Variants in MEI4 observed in about 807,000 individuals in gnomAD.
MEI4 encodes meiosis-specific protein MEI4.
MEI4 carries 27 observed loss-of-function variants against 31.4 expected under a neutral mutation model. That is an observed-to-expected ratio of 0.86 (90% CI 0.63 to 1.19). The LOEUF is 1.19. Among genes scored for constraint, MEI4 ranks in the 50% most tolerant of loss-of-function variants. The pLI is 0.00. For synonymous variants in MEI4, 122 were observed against 145.4 expected (o/e 0.84, Z 1.16); for missense variants, 329 against 398.9 (o/e 0.82, Z 1.49).
intron 2 of MEI4, among the ~76,000 whole-genome samples, chr6:77,708,223 ACCCC>A (rs1766373979): frequency 6.6e-6 from 1 of 152,120 alleles, no homozygotes; most frequent in Admixed American, 6.5e-5. Flanking sequence ...TTGGGAGCCC[ACCCC>A]TTACACCAGT....
At chr6:77,677,564 C>T (rs1768867915) in intron 1 of MEI4, among the ~76,000 whole-genome samples, 1 of 152,026 alleles carries the variant, frequency 6.6e-6, no homozygotes, top group Non-Finnish European at 1.5e-5. Context: ...CTCCTATTGT[C>T]CTGTTTGGAC....
chr6:77,891,423 T>TG (rs1386648263), intron 4 of MEI4, among the ~76,000 whole-genome samples: 1 of 152,180 alleles, frequency 6.6e-6, no homozygotes, highest in Non-Finnish European at 1.5e-5. Context: ...TTTTGTGATT[T>TG]GATTTTATTT....
intron 2 of MEI4, among the ~76,000 whole-genome samples, chr6:77,727,944 T>C (rs1385166398): frequency 6.6e-6 from 1 of 152,196 alleles, no homozygotes; most frequent in Non-Finnish European, 1.5e-5. Flanking sequence ...AAAACATGCT[T>C]GACTCTCTAT....
chr6:77,882,495 GT>G (rs1183549690), intron 4 of MEI4, among the ~76,000 whole-genome samples: 1 of 152,126 alleles, frequency 6.6e-6, no homozygotes, highest in Non-Finnish European at 1.5e-5. Context: ...GAGTTGCATG[GT>G]TTTTTTCTAT....
At chr6:77,775,151 G>A (rs975468871) in intron 3 of MEI4, among the ~76,000 whole-genome samples, 1 of 152,064 alleles carries the variant, frequency 6.6e-6, no homozygotes, top group African/African-American at 2.4e-5. Context: ...CTTCATCTCA[G>A]ATTCTTAATT....
At position 77,698,421 on chromosome 6, in the gene MEI4, A is replaced by G. The variant is rs9443453; in HGVS notation, c.232+7518A>G. On this transcript the variant is annotated intron_variant, in intron 2 of 4. Coordinates refer to ENST00000684080, the MANE Select transcript of MEI4 (RefSeq NM_001322247.2). Reference sequence around the variant, plus strand: ...TGGCTGGTACCGGTTGTTCCTTTCTATGTTTAGTGCTTCCTTCAGGAGCTC... The same window carrying G: ...TGGCTGGTACCGGTTGTTCCTTTCTGTGTTTAGTGCTTCCTTCAGGAGCTC... 7.0e-3 allele frequency among the ~76,000 whole-genome samples: 1,061 copies of G among 152,068 alleles called. 12 individuals are homozygous for G. The highest frequency in any genetic ancestry group is 0.024 in the African/African-American group (1,003 of 41,482).
intron 3 of MEI4, among the ~76,000 whole-genome samples, chr6:77,802,115 G>C (rs1390788560): frequency 6.6e-6 from 1 of 152,160 alleles, no homozygotes; most frequent in African/African-American, 2.4e-5. Flanking sequence ...AAGTCTCTTT[G>C]TAGGTCTCTA....
Position 77,820,056 on chromosome 6 carries a change from T to C in MEI4, c.769-8875T>C, listed in dbSNP as rs1411861405. Among the ~76,000 whole-genome samples the C allele has an allele frequency of 7.2e-5, 11 of 152,188 alleles. No homozygotes were observed. Among genetic ancestry groups the C allele is most frequent in the Non-Finnish European group, 1.2e-4 (8 of 68,028 alleles). ...TCTGAGGACCTAAATCTTATTTTTT[T>C]CTGAATGGTTTTCCTTCTATCACTG... On this transcript the variant is annotated intron_variant, in intron 3 of 4. Coordinates refer to ENST00000684080, the MANE Select transcript of MEI4 (RefSeq NM_001322247.2). The surrounding 1 kb of genome is among the most constrained non-coding windows in gnomAD (Gnocchi z 4.5).
chr6:77,918,065 A>G (rs1183569924), intron 4 of MEI4, among the ~76,000 whole-genome samples: 2 of 151,118 alleles, frequency 1.3e-5, no homozygotes, highest in Non-Finnish European at 2.9e-5. Flanking sequence ...TTTGTCAAAG[A>G]TCAGATAGTT....
At chr6:77,756,076 T>C (rs956835779) in intron 2 of MEI4, among the ~76,000 whole-genome samples, 1 of 152,164 alleles carries the variant, frequency 6.6e-6, no homozygotes, top group African/African-American at 2.4e-5. Context: ...TAGCCATGCT[T>C]TGAGGTCTAA....
intron 2 of MEI4, among the ~76,000 whole-genome samples, chr6:77,738,416 T>C (rs1051741475): frequency 3.3e-5 from 5 of 152,206 alleles, no homozygotes; most frequent in Admixed American, 6.5e-5. Context: ...TATTTGGCTC[T>C]TCTCTCTTTT....
intron 4 of MEI4, among the ~76,000 whole-genome samples, chr6:77,911,787 C>T (rs1260813496): frequency 6.7e-6 from 1 of 150,000 alleles, no homozygotes; most frequent in Admixed American, 6.7e-5. Context: ...TGATGGGCAT[C>T]CAGGTTGACT....
intron 2 of MEI4, among the ~76,000 whole-genome samples, chr6:77,742,844 G>C (rs1258683534): frequency 2.0e-5 from 3 of 151,986 alleles, no homozygotes; most frequent in East Asian, 1.9e-4. Context: ...CATATGGCTA[G>C]CCAGTTTTCC....
intron 4 of MEI4, among the ~76,000 whole-genome samples, chr6:77,912,213 G>T (rs1435517132): frequency 6.6e-6 from 1 of 151,920 alleles, no homozygotes; most frequent in East Asian, 1.9e-4. Flanking sequence ...ATACTATATT[G>T]TTTTGATTAC....
rs572185332 is a variant in MEI4 at position 77,852,964 on chromosome 6, C to T, written c.900+23902C>T. 1.4e-4 allele frequency among the ~76,000 whole-genome samples: 21 copies of T among 152,128 alleles called. No individual in the cohort carries two copies. In the South Asian group the frequency reaches 2.9e-3, roughly 21 times the overall value. On this transcript the variant is annotated intron_variant, in intron 4 of 4. Transcript: ENST00000684080. ...GTGTAATCCCAGCACTTTGGGAGGC[C>T]GAGGCAGGCGGATCACCTGAGGTCG... is the stretch of plus-strand genomic sequence containing the variant.
At chr6:77,900,007 A>G (rs1044624794) in intron 4 of MEI4, among the ~76,000 whole-genome samples, 2 of 151,976 alleles carry the variant, frequency 1.3e-5, no homozygotes, top group Admixed American at 6.6e-5. Flanking sequence ...AATACAGGCA[A>G]TGAAAACCAA....
intron 2 of MEI4, among the ~76,000 whole-genome samples, chr6:77,744,098 A>T (rs1346482915): frequency 3.3e-5 from 5 of 152,224 alleles, no homozygotes; most frequent in Non-Finnish European, 4.4e-5. Flanking sequence ...CCTCACCAGC[A>T]ATGGAACAAA....
At chr6:77,803,685 C>T (rs944359572) in intron 3 of MEI4, among the ~76,000 whole-genome samples, 1 of 152,190 alleles carries the variant, frequency 6.6e-6, no homozygotes, top group Non-Finnish European at 1.5e-5. Flanking sequence ...AGTTTTCCTT[C>T]TGTCATTCAG....
chr6:77,881,953 G>C (rs1002991946), intron 4 of MEI4, among the ~76,000 whole-genome samples: 22 of 152,294 alleles, frequency 1.4e-4, no homozygotes, highest in African/African-American at 5.1e-4. Flanking sequence ...CCTGGAATTA[G>C]TGCAGGCACT....
Sources: allele counts gnomAD v4.1 joint callset (sites outside exome capture counted in the v4.1 genomes callset), GRCh38; gene constraint gnomAD v4.1.1; non-coding constraint Gnocchi (gnomAD v3.1); transcripts MANE v1.5; gene names NCBI Gene and HGNC (gene_info 2026-07-23, HGNC 2026-07-21).